THADA: variants seen among roughly 807,000 people sequenced by gnomAD.
THADA encodes tRNA (32-2'-O)-methyltransferase regulator THADA.
THADA carries 213 observed loss-of-function variants against 219.8 expected under a neutral mutation model. That is an observed-to-expected ratio of 0.97 (90% CI 0.87 to 1.09). THADA has a LOEUF of 1.09. Among genes scored for constraint, THADA ranks in the 50% least tolerant of loss-of-function variants. The probability of loss-of-function intolerance (pLI) is 0.00; values close to 1 mark genes in which losing one functional copy is unlikely to be tolerated. For synonymous variants in THADA, 1,018 were observed against 828.9 expected (o/e 1.23, Z -3.92); for missense variants, 2,956 against 2,311.3 (o/e 1.28, Z -5.72).
At chr2:43,483,944 A>G (rs552092654) in intron 26 of THADA, among the ~76,000 whole-genome samples, 1 of 152,230 alleles carries the variant, frequency 6.6e-6, no homozygotes, top group Admixed American at 6.5e-5. Flanking sequence ...CTGGAGAATT[A>G]TTAACAAAAT....
intron 30 of THADA, among the ~76,000 whole-genome samples, chr2:43,338,113 T>G (rs1289832884): frequency 2.6e-5 from 4 of 152,048 alleles, no homozygotes; most frequent in Non-Finnish European, 5.9e-5. Flanking sequence ...AGTTTGCTAG[T>G]GTTAAGCACA....
At chr2:43,520,797 A>C (rs1312354075) in intron 22 of THADA, among the ~76,000 whole-genome samples, 1 of 152,034 alleles carries the variant, frequency 6.6e-6, no homozygotes, top group East Asian at 1.9e-4. Flanking sequence ...AAGGAAGCTT[A>C]CTAAAAATGT....
chr2:43,578,262 C>A (rs569797075), intron 9 of THADA, among the ~76,000 whole-genome samples: 2 of 151,846 alleles, frequency 1.3e-5, no homozygotes, highest in East Asian at 3.9e-4. Context: ...CCTACCTCAA[C>A]CTCTCAAAGA....
chr2:43,239,805 G>A (rs746200591), intron 36 of THADA, among the ~76,000 whole-genome samples: 1 of 152,180 alleles, frequency 6.6e-6, no homozygotes, highest in Non-Finnish European at 1.5e-5. Flanking sequence ...AGCTTTAGGG[G>A]ACTGGCCAAG....
At chr2:43,327,596 T>C (rs566503401) in intron 30 of THADA, among the ~76,000 whole-genome samples, 1 of 152,290 alleles carries the variant, frequency 6.6e-6, no homozygotes, top group South Asian at 2.1e-4. Context: ...ACCCGCCTCC[T>C]GCCCTTTATT....
intron 21 of THADA, among the ~76,000 whole-genome samples, chr2:43,538,141 G>A (rs975835560): frequency 2.6e-5 from 4 of 152,082 alleles, no homozygotes; most frequent in African/African-American, 9.7e-5. Flanking sequence ...CCAGGTGGAG[G>A]AAGCTGTTTT....
intron 7 of THADA, among the ~76,000 whole-genome samples, chr2:43,582,597 T>TC (rs1179819752): frequency 1.5e-5 from 2 of 132,104 alleles, no homozygotes; most frequent in Non-Finnish European, 3.2e-5. Context: ...AGACAGAGTC[T>TC]CCCCCTCTGT....
intron 36 of THADA, among the ~76,000 whole-genome samples, chr2:43,270,972 C>T (rs1672049415): frequency 6.6e-6 from 1 of 152,198 alleles, no homozygotes; most frequent in South Asian, 2.1e-4. Context: ...TGATGAGGTT[C>T]TCCTTCCCCT....
chr2:43,448,172 C>T (rs539605053), intron 26 of THADA, among the ~76,000 whole-genome samples: 8 of 152,296 alleles, frequency 5.3e-5, no homozygotes, highest in African/African-American at 7.2e-5. Context: ...TGTGTTCTCA[C>T]GAAGGCAACA....
intron 28 of THADA, among the ~76,000 whole-genome samples, chr2:43,422,810 C>A (rs1485354433): frequency 6.6e-6 from 1 of 152,144 alleles, no homozygotes; most frequent in Non-Finnish European, 1.5e-5. Context: ...GCCTTGACCT[C>A]CTGGGCTCAA....
intron 8 of THADA, among the ~76,000 whole-genome samples, chr2:43,579,072 C>T (rs1000494213): frequency 5.9e-5 from 9 of 152,186 alleles, no homozygotes; most frequent in African/African-American, 1.7e-4. Flanking sequence ...CCTTGTGATC[C>T]GCCTGCCTCG....
intron 36 of THADA, among the ~76,000 whole-genome samples, chr2:43,260,507 G>C (rs926301119): frequency 6.6e-6 from 1 of 152,184 alleles, no homozygotes; most frequent in African/African-American, 2.4e-5. Context: ...TTGGGAGGCT[G>C]AGGTGGGAGG....
intron 31 of THADA, among the ~76,000 whole-genome samples, chr2:43,302,468 T>C (rs547614801): frequency 2.8e-4 from 43 of 151,858 alleles, no homozygotes; most frequent in Admixed American, 4.6e-4. Flanking sequence ...TTTTTTTTTT[T>C]CACTCTTTGG....
intron 28 of THADA, among the ~76,000 whole-genome samples, chr2:43,415,612 C>A (rs1031356798): frequency 1.3e-5 from 2 of 152,160 alleles, no homozygotes; most frequent in African/African-American, 2.4e-5. Context: ...CAAGGTTGGG[C>A]CAGGGTGGGT....
chr2:43,398,467 A>G (rs911611686), intron 28 of THADA, among the ~76,000 whole-genome samples: 4 of 152,392 alleles, frequency 2.6e-5, no homozygotes, highest in African/African-American at 7.2e-5. Flanking sequence ...AAGCACCATG[A>G]TAAGTGCCAT....
At chr2:43,249,560 A>G (rs1157295488) in intron 36 of THADA, among the ~76,000 whole-genome samples, 1 of 152,182 alleles carries the variant, frequency 6.6e-6, no homozygotes, top group Non-Finnish European at 1.5e-5. Context: ...CCTTAACATT[A>G]AAGACTCTTT....
intron 30 of THADA, among the ~76,000 whole-genome samples, chr2:43,325,185 T>C (rs921532695): frequency 6.6e-6 from 1 of 152,078 alleles, no homozygotes; most frequent in Admixed American, 6.5e-5. Context: ...AGGGCAGGGC[T>C]TCCCAGACAC....
At chr2:43,521,386 C>A (rs946046230) in intron 22 of THADA, among the ~76,000 whole-genome samples, 1 of 152,108 alleles carries the variant, frequency 6.6e-6, no homozygotes, top group African/African-American at 2.4e-5. Flanking sequence ...GAAACCCAGT[C>A]TCTATAAAAA....
rs749703786 is a variant in THADA at position 43,293,063 on chromosome 2, G to A, written c.4589C>T (p.Ala1530Val). The A allele has an allele frequency of 6.2e-6, 10 of 1,613,938 alleles. No individual in the cohort carries two copies. The South Asian group carries it at 6.6e-5, about 11-fold the overall frequency. The change falls in exon 32 of 38, where the codon GCG becomes GTG. Residue 1530 changes from alanine (A) to valine (V), a missense_variant. By Grantham distance (64) the Ala-to-Val change is moderately conservative (BLOSUM62 0). Coordinates refer to ENST00000405975, the MANE Select transcript of THADA (RefSeq NM_022065.5). The stretch of plus-strand genomic sequence containing the variant: ...CTCCCGCTCTCCACTCTTGGCTGCC[G>A]CGGCCCACACTGCAGCAATGGCTAG... ...TRLAIAAVWA[A>V]AAKSGERETN...
Sources: gnomAD v4.1 joint callset for allele counts (sites outside exome capture counted in the v4.1 genomes callset) on GRCh38, gnomAD v4.1.1 for gene constraint, MANE v1.5 for transcripts, NCBI Gene and HGNC (gene_info 2026-07-23, HGNC 2026-07-21) for gene names.